PDZRN4: variants seen among roughly 807,000 people sequenced by gnomAD.
PDZRN4 encodes the protein PDZ domain containing ring finger 4, also known as PDZ domain-containing RING finger protein 4.
PDZRN4 carries 70 observed loss-of-function variants against 99.0 expected under a neutral mutation model. That is an observed-to-expected ratio of 0.71 (90% CI 0.58 to 0.86). The LOEUF is 0.86. PDZRN4 is among the 40% of genes least tolerant of loss of function. The pLI is 0.00. For synonymous variants in PDZRN4, 551 were observed against 501.6 expected (o/e 1.10, Z -1.32); for missense variants, 1,474 against 1,331.2 (o/e 1.11, Z -1.67).
chr12:41,322,634 G>A (rs1479280577), intron 3 of PDZRN4, among the ~76,000 whole-genome samples: 2 of 151,498 alleles, frequency 1.3e-5, no homozygotes, highest in African/African-American at 4.8e-5. Flanking sequence ...GGGACTACAG[G>A]TGCCCACCAC....
chr12:41,359,285 T>G (rs2121054923), intron 3 of PDZRN4, among the ~76,000 whole-genome samples: 1 of 152,140 alleles, frequency 6.6e-6, no homozygotes, highest in Admixed American at 6.6e-5. Context: ...ATAGCTAATT[T>G]GGGCTAGAAA....
chr12:41,315,321 T>C (rs1346614044), intron 3 of PDZRN4, among the ~76,000 whole-genome samples: 1 of 152,122 alleles, frequency 6.6e-6, no homozygotes, highest in Admixed American at 6.6e-5. Context: ...ATGATCACCA[T>C]AGTGAAAAAG....
intron 3 of PDZRN4, among the ~76,000 whole-genome samples, chr12:41,347,880 G>A (rs1014871339): frequency 2.6e-5 from 4 of 152,004 alleles, no homozygotes; most frequent in African/African-American, 7.2e-5. Context: ...TTAAGTGAAC[G>A]AAGCAAATAT....
At chr12:41,260,804 A>G (rs182374150) in intron 3 of PDZRN4, among the ~76,000 whole-genome samples, 1 of 152,308 alleles carries the variant, frequency 6.6e-6, no homozygotes, top group African/African-American at 2.4e-5. Flanking sequence ...TATAGTCTGC[A>G]CTTCCTTAGT....
chr12:41,439,526 A>G (rs1348980231), intron 3 of PDZRN4, among the ~76,000 whole-genome samples: 1 of 152,142 alleles, frequency 6.6e-6, no homozygotes, highest in East Asian at 1.9e-4. Context: ...TGCCTAGGTT[A>G]AGCTGTTTAT....
intron 3 of PDZRN4, among the ~76,000 whole-genome samples, chr12:41,313,526 G>C (rs981915459): frequency 1.1e-4 from 17 of 152,146 alleles, no homozygotes; most frequent in African/African-American, 4.1e-4. Context: ...TGCCGAGAAG[G>C]CCCCATCCCT....
At chr12:41,498,249 C>A (rs1413349896) in intron 3 of PDZRN4, among the ~76,000 whole-genome samples, 2 of 152,068 alleles carry the variant, frequency 1.3e-5, no homozygotes, top group Admixed American at 1.3e-4. Context: ...CACTTCTGGA[C>A]ATTCCTGCTC....
intron 3 of PDZRN4, among the ~76,000 whole-genome samples, chr12:41,461,868 C>G (rs1242781363): frequency 6.6e-6 from 1 of 152,102 alleles, no homozygotes; most frequent in East Asian, 1.9e-4. Flanking sequence ...TCTTTCTCCT[C>G]TAGAACAAAA....
chr12:41,269,696 A>G (rs1566409926), intron 3 of PDZRN4, among the ~76,000 whole-genome samples: 3 of 152,160 alleles, frequency 2.0e-5, no homozygotes, highest in Non-Finnish European at 2.9e-5. Context: ...TCTATATGCC[A>G]TATTTTGAAG....
At chr12:41,201,927 CAT>C (rs1266424998) in intron 3 of PDZRN4, among the ~76,000 whole-genome samples, 2 of 152,110 alleles carry the variant, frequency 1.3e-5, no homozygotes, top group African/African-American at 4.8e-5. Context: ...GATCTGAAGA[CAT>C]GTGTGCTCAC....
At chr12:41,508,238 A>G (rs1290891880) in intron 4 of PDZRN4, among the ~76,000 whole-genome samples, 1 of 152,112 alleles carries the variant, frequency 6.6e-6, no homozygotes, top group Non-Finnish European at 1.5e-5. Flanking sequence ...TCTGACCCCA[A>G]TGCCTACCCC....
intron 3 of PDZRN4, among the ~76,000 whole-genome samples, chr12:41,324,876 A>G (rs1951700726): frequency 6.6e-6 from 1 of 152,142 alleles, no homozygotes; most frequent in Non-Finnish European, 1.5e-5. Context: ...AATAAAATAT[A>G]TTAGAATTAA....
intron 3 of PDZRN4, among the ~76,000 whole-genome samples, chr12:41,380,296 A>G (rs932785355): frequency 6.6e-6 from 1 of 152,022 alleles, no homozygotes; most frequent in Non-Finnish European, 1.5e-5. Flanking sequence ...TAATCCATTT[A>G]GCCACTCTGT....
chr12:41,478,311 T>TG, intron 3 of PDZRN4, among the ~76,000 whole-genome samples: 1 of 152,214 alleles, frequency 6.6e-6, no homozygotes, highest in African/African-American at 2.4e-5. Flanking sequence ...AGACGAGGTT[T>TG]CAGCATGTTG....
At chr12:41,340,494 A>G (rs1951808059) in intron 3 of PDZRN4, among the ~76,000 whole-genome samples, 2 of 151,910 alleles carry the variant, frequency 1.3e-5, no homozygotes, top group Non-Finnish European at 2.9e-5. Flanking sequence ...ATATAATTAG[A>G]TGTAATGAAT....
intron 3 of PDZRN4, among the ~76,000 whole-genome samples, chr12:41,449,049 A>G (rs1227887691): frequency 1.3e-5 from 2 of 152,124 alleles, no homozygotes; most frequent in Non-Finnish European, 2.9e-5. Context: ...TCATCTTAAG[A>G]TCTCCAGTCA....
intron 3 of PDZRN4, among the ~76,000 whole-genome samples, chr12:41,481,772 T>C (rs1406651922): frequency 2.6e-5 from 4 of 152,234 alleles, no homozygotes; most frequent in Admixed American, 1.3e-4. Context: ...TTTATGTACA[T>C]GTCCAATCTC....
intron 8 of PDZRN4, among the ~76,000 whole-genome samples, chr12:41,566,518 C>T (rs12301166): frequency 0.14 from 21,018 of 152,028 alleles, 1,579 homozygotes; most frequent in South Asian, 0.28. Context: ...ATTATTCAGG[C>T]GACATTAAGA....
chr12:41,406,456 A>T (rs1764485022), intron 3 of PDZRN4, among the ~76,000 whole-genome samples: 1 of 152,216 alleles, frequency 6.6e-6, no homozygotes, highest in African/African-American at 2.4e-5. Flanking sequence ...CTGATGTGAA[A>T]TTACTGTTTT....
Sources: allele counts gnomAD v4.1 joint callset (sites outside exome capture counted in the v4.1 genomes callset), GRCh38; gene constraint gnomAD v4.1.1; transcripts MANE v1.5; gene names NCBI Gene and HGNC (gene_info 2026-07-23, HGNC 2026-07-21).